SHC3: variants seen among roughly 807,000 people sequenced by gnomAD.
SHC3 encodes the protein SHC-transforming protein 3.
Under a neutral mutation model 60.4 loss-of-function variants are expected in SHC3, and 15 were observed. The ratio of observed to expected loss-of-function variants is 0.25; its 90% CI spans 0.17 to 0.38. The LOEUF (loss-of-function observed/expected upper bound fraction) is 0.38. Among genes scored for constraint, SHC3 ranks in the 10% least tolerant of loss-of-function variants. The pLI is 1.00. For missense variants in SHC3, 677 were observed against 786.1 expected (o/e 0.86, Z 1.66); for synonymous variants, 294 against 325.9 (o/e 0.90, Z 1.05).
intron 1 of SHC3, among the ~76,000 whole-genome samples, chr9:89,126,341 G>T (rs77606447): frequency 0.013 from 2,031 of 152,280 alleles, 20 homozygotes; most frequent in South Asian, 0.033. Context: ...ACATTTAGTG[G>T]GTTAGAGGCC....
intron 9 of SHC3, among the ~76,000 whole-genome samples, chr9:89,045,165 G>C (rs1824751390): frequency 6.6e-6 from 1 of 152,162 alleles, no homozygotes; most frequent in Non-Finnish European, 1.5e-5. Context: ...TCCCAGCATG[G>C]AGGTGTACAG....
intron 1 of SHC3, among the ~76,000 whole-genome samples, chr9:89,157,795 T>A (rs545817162): frequency 2.2e-4 from 34 of 151,908 alleles, no homozygotes; most frequent in East Asian, 1.9e-3. Context: ...TTAAAAAAAA[T>A]TTTTTTTGCA....
intron 10 of SHC3, among the ~76,000 whole-genome samples, chr9:89,039,604 C>T (rs1412905760): frequency 6.6e-6 from 1 of 152,156 alleles, no homozygotes; most frequent in Non-Finnish European, 1.5e-5. Flanking sequence ...TTGGCACCAC[C>T]ACCACCATCA....
chr9:89,148,938 G>T (rs1253464835), intron 1 of SHC3, among the ~76,000 whole-genome samples: 2 of 152,186 alleles, frequency 1.3e-5, no homozygotes, highest in East Asian at 3.9e-4. Context: ...AGTAAGAAAA[G>T]AATAGAAGTT....
chr9:89,142,580 C>T (rs553132981), intron 1 of SHC3, among the ~76,000 whole-genome samples: 1 of 150,648 alleles, frequency 6.6e-6, no homozygotes, highest in African/African-American at 2.4e-5. Context: ...CTACTCAGGG[C>T]TGAGGCAGGA....
At chr9:89,148,196 C>T (rs913856656) in intron 1 of SHC3, among the ~76,000 whole-genome samples, 3 of 152,098 alleles carry the variant, frequency 2.0e-5, no homozygotes, top group African/African-American at 4.8e-5. Context: ...TGTCTGATTG[C>T]GTTTCTGTGA....
intron 1 of SHC3, among the ~76,000 whole-genome samples, chr9:89,157,415 C>A (rs563870020): frequency 6.6e-6 from 1 of 152,308 alleles, no homozygotes; most frequent in East Asian, 1.9e-4. Context: ...GCAGACTCTC[C>A]CCGGAAGCCT....
chr9:89,059,592 C>CA (rs1825033701), intron 6 of SHC3, among the ~76,000 whole-genome samples: 1 of 96,156 alleles, frequency 1.0e-5, no homozygotes, highest in Non-Finnish European at 2.1e-5. Context: ...TGGTGGAGGA[C>CA]ATGGTGTAGG....
intron 11 of SHC3, among the ~76,000 whole-genome samples, chr9:89,035,830 A>AAAATATAT (rs1432811585): frequency 2.8e-5 from 3 of 106,440 alleles, no homozygotes; most frequent in African/African-American, 1.0e-4. Context: ...AAACAAACAA[A>AAAATATAT]ATATATATAT....
intron 11 of SHC3, among the ~76,000 whole-genome samples, chr9:89,032,778 T>C (rs1372936406): frequency 1.3e-5 from 2 of 152,168 alleles, no homozygotes; most frequent in Non-Finnish European, 2.9e-5. Flanking sequence ...TTCATCCTTA[T>C]TTCTCTGAGT....
At chr9:89,167,702 T>G (rs1826810131) in intron 1 of SHC3, among the ~76,000 whole-genome samples, 1 of 152,366 alleles carries the variant, frequency 6.6e-6, no homozygotes, top group South Asian at 2.1e-4. Context: ...TGCACGAGTA[T>G]ACTTTTTAGA....
At chr9:89,034,447 C>G (rs574730455) in intron 11 of SHC3, among the ~76,000 whole-genome samples, 1 of 152,236 alleles carries the variant, frequency 6.6e-6, no homozygotes, top group African/African-American at 2.4e-5. Context: ...CAAGGACACT[C>G]TCCCCTGGTC....
At chr9:89,110,100 A>G (rs1825924230) in intron 2 of SHC3, 1 of 985,326 alleles carries the variant, frequency 1.0e-6, no homozygotes, top group Admixed American at 6.1e-5. Context: ...TTTCCAAAAG[A>G]AAGATGTTTT....
At chr9:89,128,046 TTA>T (rs1826189980) in intron 1 of SHC3, among the ~76,000 whole-genome samples, 1 of 152,104 alleles carries the variant, frequency 6.6e-6, no homozygotes, top group Admixed American at 6.6e-5. Flanking sequence ...GCCAGTGTAT[TTA>T]TGTGTTGTGT....
chr9:89,159,070 T>C (rs1171238158), intron 1 of SHC3, among the ~76,000 whole-genome samples: 2 of 151,340 alleles, frequency 1.3e-5, no homozygotes, highest in African/African-American at 4.9e-5. Context: ...GAGAAAAGAA[T>C]GTGTGACTTT....
At chr9:89,154,807 G>C (rs955451112) in intron 1 of SHC3, among the ~76,000 whole-genome samples, 1 of 152,218 alleles carries the variant, frequency 6.6e-6, no homozygotes, top group Non-Finnish European at 1.5e-5. Flanking sequence ...GTAAACCACT[G>C]TGCTTGATTT....
chr9:89,178,648 C>G lies in SHC3; in HGVS notation c.-188G>C. On this transcript the variant is annotated 5_prime_UTR_variant, in exon 1 of 12. Transcript: ENST00000375835. This position sits in a 1 kb window ranked among gnomAD's most constrained non-coding sequence, Gnocchi z 6.9. ...CTCCCACCGTTAAAAGCCAGCACAG[C>G]GGCGGCCGCGCAGCCCCGGCCCGGG... 2.1e-6 allele frequency: 1 copy of G among 468,856 alleles called. No individual in the cohort carries two copies. Among genetic ancestry groups the G allele is most frequent in the Non-Finnish European group, 3.6e-6 (1 of 278,942 alleles). The allele number at this position is 468,856 out of a possible 1,614,324, so 29.0% of individuals were successfully genotyped here.
At chr9:89,107,407 T>C (rs1399108175) in intron 2 of SHC3, among the ~76,000 whole-genome samples, 4 of 152,186 alleles carry the variant, frequency 2.6e-5, no homozygotes, top group African/African-American at 9.7e-5. Context: ...CAAATGCCCA[T>C]GAAGCCAACA....
intron 1 of SHC3, among the ~76,000 whole-genome samples, chr9:89,129,685 C>T (rs1440738570): frequency 1.3e-5 from 2 of 152,056 alleles, no homozygotes; most frequent in Admixed American, 1.3e-4. Flanking sequence ...AGAAATAAAA[C>T]CCTTTACAGA....
Sources: allele counts gnomAD v4.1 joint callset (sites outside exome capture counted in the v4.1 genomes callset), GRCh38; gene constraint gnomAD v4.1.1; non-coding constraint Gnocchi (gnomAD v3.1); transcripts MANE v1.5; gene names NCBI Gene and HGNC (gene_info 2026-07-23, HGNC 2026-07-21).